Variants in PLPP1 observed in about 807,000 individuals in gnomAD.
PLPP1 encodes lipid phosphate phosphohydrolase 1a.
Under a neutral mutation model 31.2 loss-of-function variants are expected in PLPP1, and 24 were observed. The ratio of observed to expected loss-of-function variants is 0.77; its 90% CI spans 0.56 to 1.08. The LOEUF is 1.08. Ranked by LOEUF, PLPP1 falls within the 50% of genes least tolerant of loss-of-function variation. PLPP1 has a pLI of 0.00. For missense variants in PLPP1, 319 were observed against 342.7 expected, an observed-to-expected ratio of 0.93 and a Z score of 0.55; for synonymous variants, 146 against 126.3, an observed-to-expected ratio of 1.16 and a Z score of -1.05.
intron 3 of PLPP1, among the ~76,000 whole-genome samples, chr5:55,465,515 G>A (rs768622311): frequency 3.0e-4 from 45 of 151,896 alleles, no homozygotes; most frequent in Non-Finnish European, 5.0e-4. Flanking sequence ...AACTGTCTTC[G>A]GCCACACATA....
intron 1 of PLPP1, among the ~76,000 whole-genome samples, chr5:55,498,743 G>A (rs1322855372): frequency 2.7e-5 from 4 of 150,148 alleles, no homozygotes; most frequent in Admixed American, 6.6e-5. Flanking sequence ...CCAAGAACAC[G>A]CTAGGGAAGC....
At chr5:55,514,719 C>T (rs937564110) in intron 1 of PLPP1, among the ~76,000 whole-genome samples, 11 of 152,178 alleles carry the variant, frequency 7.2e-5, no homozygotes, top group East Asian at 1.9e-4. Context: ...ATGCCAAAAA[C>T]GACTGGCAAA....
At chr5:55,490,920 C>A in intron 1 of PLPP1, 1 of 1,571,134 alleles carries the variant, frequency 6.4e-7, no homozygotes, top group Non-Finnish European at 8.7e-7. Context: ...CAACCTCCAG[C>A]ACAACAAACC....
chr5:55,428,369 A>G (rs1178432265), intron 4 of PLPP1, among the ~76,000 whole-genome samples: 3 of 152,174 alleles, frequency 2.0e-5, no homozygotes, highest in Non-Finnish European at 4.4e-5. Flanking sequence ...AGCTCTGTGA[A>G]GACTTCCATT....
At chr5:55,530,161 T>C in intron 1 of PLPP1, 1 of 1,280,660 alleles carries the variant, frequency 7.8e-7, no homozygotes, top group South Asian at 1.2e-5. Context: ...AGCCTTCAGA[T>C]GTTTACTTGA....
At chr5:55,503,214 AATC>A (rs1304531000) in intron 1 of PLPP1, among the ~76,000 whole-genome samples, 1 of 152,190 alleles carries the variant, frequency 6.6e-6, no homozygotes, top group Non-Finnish European at 1.5e-5. Context: ...AAACTTTACT[AATC>A]AAAGGCATTT....
chr5:55,518,731 G>A (rs1489867408), intron 1 of PLPP1, among the ~76,000 whole-genome samples: 2 of 152,150 alleles, frequency 1.3e-5, no homozygotes, highest in African/African-American at 4.8e-5. Context: ...TATATACCAT[G>A]TGCTCCTTGT....
At chr5:55,456,111 A>G (rs894108287) in intron 3 of PLPP1, among the ~76,000 whole-genome samples, 2 of 152,290 alleles carry the variant, frequency 1.3e-5, no homozygotes, top group African/African-American at 4.8e-5. Context: ...GCCCCTTTTA[A>G]TTTACAGTAA....
At position 55,534,650 on chromosome 5, in the gene PLPP1, G is replaced by A. The variant is rs747380753; in HGVS notation, c.-21C>T. Reference sequence around the variant, plus strand: ...AACATGGTCTCTGCCCGGGCTGCCCGGCAAGGGCGATGGACTGAGCTGCGG... The same window carrying A: ...AACATGGTCTCTGCCCGGGCTGCCCAGCAAGGGCGATGGACTGAGCTGCGG... On this transcript the variant is annotated 5_prime_UTR_variant, in exon 1 of 6. Coordinates refer to ENST00000307259, the MANE Select transcript of PLPP1 (RefSeq NM_003711.4). The A allele has an allele frequency of 4.7e-5, 73 of 1,538,292 alleles. No homozygotes were observed. The highest frequency in any genetic ancestry group is 5.7e-5 in the Non-Finnish European group (65 of 1,144,016).
chr5:55,503,497 T>C (rs1753190223), intron 1 of PLPP1, among the ~76,000 whole-genome samples: 1 of 151,982 alleles, frequency 6.6e-6, no homozygotes, highest in Non-Finnish European at 1.5e-5. Flanking sequence ...GTTTCTTGGC[T>C]GGGTGCGGTA....
chr5:55,432,800 T>TAA (rs70992791), intron 4 of PLPP1, among the ~76,000 whole-genome samples: 247 of 145,788 alleles, frequency 1.7e-3, no homozygotes, highest in African/African-American at 5.6e-3. Context: ...CTTCATGATT[T>TAA]AAAAAAAAAA....
At chr5:55,500,192 ACCTCAG>A (rs1386379638) in intron 1 of PLPP1, among the ~76,000 whole-genome samples, 1 of 149,154 alleles carries the variant, frequency 6.7e-6, no homozygotes, top group Non-Finnish European at 1.5e-5. Context: ...CCATTCTCCT[ACCTCAG>A]CCTCCCGAGT....
chr5:55,526,887 G>C (rs1002989583), intron 1 of PLPP1, among the ~76,000 whole-genome samples: 1 of 147,244 alleles, frequency 6.8e-6, no homozygotes, highest in East Asian at 2.0e-4. Context: ...AGCCAAGATC[G>C]GGCCACTGTA....
chr5:55,501,207 G>C (rs1426721128), intron 1 of PLPP1, among the ~76,000 whole-genome samples: 1 of 152,076 alleles, frequency 6.6e-6, no homozygotes, highest in East Asian at 1.9e-4. Flanking sequence ...CAGCTACTCA[G>C]GAGGCTTTGA....
rs531457494 is a variant in PLPP1, at chr5:55,431,364, G to A, written c.550-5325C>T. Among the ~76,000 whole-genome samples the A allele has an allele frequency of 8.5e-5, 13 of 152,264 alleles. No individual in the cohort carries two copies. In the South Asian group the frequency reaches 1.5e-3, roughly 17 times the overall value. On this transcript the variant is annotated intron_variant, in intron 4 of 5. Transcript: ENST00000307259. ...TGAATTTCTCAGCAGCCACCTTACAGGCTAGGAGAAAATGGGATGATGTAT... is the reference window on the plus strand; with the variant it reads ...TGAATTTCTCAGCAGCCACCTTACAAGCTAGGAGAAAATGGGATGATGTAT...
At chr5:55,500,479 G>C (rs924102627) in intron 1 of PLPP1, among the ~76,000 whole-genome samples, 2 of 151,944 alleles carry the variant, frequency 1.3e-5, no homozygotes, top group African/African-American at 4.8e-5. Flanking sequence ...TTTTTTTTAA[G>C]CCAGTCAAAT....
At chr5:55,468,663 C>T (rs1752356316) in intron 2 of PLPP1, among the ~76,000 whole-genome samples, 2 of 151,952 alleles carry the variant, frequency 1.3e-5, no homozygotes, top group South Asian at 4.2e-4. Context: ...ATCAGTCAGG[C>T]ATGAAGGTGG....
chr5:55,451,765 G>A (rs2111739752), intron 3 of PLPP1, among the ~76,000 whole-genome samples: 1 of 152,188 alleles, frequency 6.6e-6, no homozygotes, highest in East Asian at 1.9e-4. Flanking sequence ...GTTTCACCCT[G>A]TTGGTCAGGC....
intron 2 of PLPP1, 63 bp from the exon 3 acceptor site, chr5:55,468,212 A>C: frequency 7.2e-7 from 1 of 1,382,054 alleles, no homozygotes; most frequent in Non-Finnish European, 9.8e-7. Flanking sequence ...ACAAAACAAA[A>C]CATAGGGGGA....
Sources: gnomAD v4.1 joint callset for allele counts (sites outside exome capture counted in the v4.1 genomes callset) on GRCh38, gnomAD v4.1.1 for gene constraint, MANE v1.5 for transcripts, NCBI Gene and HGNC (gene_info 2026-07-23, HGNC 2026-07-21) for gene names.